The following USP25 variants were observed in gnomAD, a reference collection of about 807,000 sequenced individuals.
USP25 encodes ubiquitin carboxyl-terminal hydrolase 25.
Under a neutral mutation model 158.5 loss-of-function variants are expected in USP25, and 85 were observed. The observed-to-expected ratio is 0.54, with a 90% CI of 0.45 to 0.64. The LOEUF is 0.64. Among genes scored for constraint, USP25 ranks in the 30% least tolerant of loss-of-function variants. USP25 has a pLI of 0.00. For synonymous variants in USP25, 464 were observed against 460.4 expected, an observed-to-expected ratio of 1.01 and a Z score of -0.10; for missense variants, 1,242 against 1,327.3, an observed-to-expected ratio of 0.94 and a Z score of 1.00.
At position 15,833,383 on chromosome 21, in the gene USP25, G is replaced by C; in HGVS notation, c.2029G>C (p.Gly677Arg). Reference sequence around the variant, plus strand: ...TAAAGAAACTGGGCAGCCCCTTGTTGGTATAGAAACATTACCACCGGATTT... The same window carrying C: ...TAAAGAAACTGGGCAGCCCCTTGTTCGTATAGAAACATTACCACCGGATTT... ...FNKETGQPLV[G>R]IETLPPDLRD... Residue 677 changes from glycine (G) to arginine (R), a missense_variant, in exon 17 of 26, where the codon GGT becomes CGT. Coordinates refer to ENST00000400183, the MANE Select transcript of USP25 (RefSeq NM_001283041.3). 1.2e-6 allele frequency: 2 copies of C among 1,613,818 alleles called. No homozygotes were observed. The highest frequency in any genetic ancestry group is 1.7e-6 in the Non-Finnish European group (2 of 1,179,874).
At chr21:15,805,007 T>G in intron 6 of USP25, 114 bp from the exon 7 acceptor site, 1 of 1,135,306 alleles carries the variant, frequency 8.8e-7, no homozygotes, top group Non-Finnish European at 1.2e-6. Flanking sequence ...AATTCATCCC[T>G]AAACTATATT....
chr21:15,779,921 AT>A (rs955030773), intron 4 of USP25, among the ~76,000 whole-genome samples: 1 of 152,118 alleles, frequency 6.6e-6, no homozygotes, highest in African/African-American at 2.4e-5. Context: ...TCAATGCAAA[AT>A]ATGCATTTAA....
chr21:15,806,245 C>A (rs901464502), intron 7 of USP25, among the ~76,000 whole-genome samples: 1 of 152,126 alleles, frequency 6.6e-6, no homozygotes, highest in Middle Eastern at 3.4e-3. Context: ...TCCAAACCAT[C>A]ATTTTCGGGC....
intron 4 of USP25, among the ~76,000 whole-genome samples, chr21:15,784,449 G>C (rs865827336): frequency 6.6e-6 from 1 of 152,194 alleles, no homozygotes; most frequent in South Asian, 2.1e-4. Context: ...GTGCATGCCT[G>C]TAATCCAAGC....
chr21:15,832,622 G>T (rs1443807358), intron 16 of USP25, among the ~76,000 whole-genome samples: 1 of 151,964 alleles, frequency 6.6e-6, no homozygotes, highest in Non-Finnish European at 1.5e-5. Flanking sequence ...ATGATTATGA[G>T]TTGTTTACAT....
chr21:15,794,991 C>T (rs1374525111), intron 5 of USP25, among the ~76,000 whole-genome samples: 2 of 151,584 alleles, frequency 1.3e-5, no homozygotes, highest in East Asian at 1.9e-4. Flanking sequence ...CTTATTCATA[C>T]TCCTTGCTCT....
At chr21:15,736,062 T>C (rs540840709) in intron 1 of USP25, among the ~76,000 whole-genome samples, 1 of 151,944 alleles carries the variant, frequency 6.6e-6, no homozygotes, top group South Asian at 2.1e-4. Flanking sequence ...CCCTGCTTGT[T>C]TTGTCGTCAG....
intron 23 of USP25, among the ~76,000 whole-genome samples, chr21:15,873,798 C>G (rs977859490): frequency 1.3e-5 from 2 of 152,138 alleles, no homozygotes; most frequent in African/African-American, 4.8e-5. Flanking sequence ...CGGCCTCTAT[C>G]AGCTTTTTTA....
intron 3 of USP25, among the ~76,000 whole-genome samples, chr21:15,772,813 G>A (rs1466166938): frequency 2.0e-5 from 3 of 152,100 alleles, no homozygotes; most frequent in Admixed American, 6.5e-5. Context: ...TGTGAATTTG[G>A]TATGTGAGGT....
At chr21:15,867,541 A>T (rs2039709072) in intron 22 of USP25, among the ~76,000 whole-genome samples, 1 of 152,180 alleles carries the variant, frequency 6.6e-6, no homozygotes, top group South Asian at 2.1e-4. Context: ...AAAGCAAGGC[A>T]ATGAAAATAA....
chr21:15,829,723 A>G (rs990110943), intron 14 of USP25, among the ~76,000 whole-genome samples: 1 of 152,010 alleles, frequency 6.6e-6, no homozygotes, highest in African/African-American at 2.4e-5. Context: ...TATGCTGCAG[A>G]TATTATTTTC....
At chr21:15,754,399 G>A (rs1382721737) in intron 1 of USP25, among the ~76,000 whole-genome samples, 1 of 152,230 alleles carries the variant, frequency 6.6e-6, no homozygotes, top group Non-Finnish European at 1.5e-5. Context: ...CAGGAGTACA[G>A]TGATGAACGA....
chr21:15,795,581 A>G (rs1405470257), intron 5 of USP25, among the ~76,000 whole-genome samples: 2 of 151,462 alleles, frequency 1.3e-5, no homozygotes, highest in African/African-American at 2.4e-5. Context: ...GAGAAATGGG[A>G]TTGGTCGATG....
chr21:15,756,521 T>TAA (rs2033388622), intron 1 of USP25, among the ~76,000 whole-genome samples: 1 of 152,158 alleles, frequency 6.6e-6, no homozygotes, highest in African/African-American at 2.4e-5. Context: ...ATACTGATGT[T>TAA]AAATATGCCC....
chr21:15,755,071 G>A lies in USP25; in HGVS notation c.46-7820G>A, dbSNP rs182785914. 4.7e-4 allele frequency among the ~76,000 whole-genome samples: 72 copies of A among 151,920 alleles called. 1 individual carries two copies. Among genetic ancestry groups the A allele is most frequent in the South Asian group, 4.0e-3 (19 of 4,806 alleles). ...TAATGAATTAATCTTGTCATTGACA[G>A]GTAACTTTGAAATGCCTACATTTGG... is the stretch of plus-strand genomic sequence containing the variant. On this transcript the variant is annotated intron_variant, in intron 1 of 25. Coordinates refer to ENST00000400183, the MANE Select transcript of USP25 (RefSeq NM_001283041.3).
intron 3 of USP25, among the ~76,000 whole-genome samples, chr21:15,777,560 A>G (rs2034729677): frequency 6.6e-6 from 1 of 152,144 alleles, no homozygotes; most frequent in African/African-American, 2.4e-5. Context: ...AGAAATGTCA[A>G]TGTTTAATTG....
At position 15,849,832 on chromosome 21, in the gene USP25, GT is replaced by G. The variant is rs1277491346; in HGVS notation, c.2508del (p.Ser836ArgfsTer42). ...GIIMAIGKSR[S>X]VYDRCGPEAG... is the part of the protein sequence containing the mutation. The stretch of plus-strand genomic sequence containing the variant: ...ATCATGGCGATAGGTAAATCCAGGA[GT>G]GTATATGACAGGTGTGGCCCTGAAG... On this transcript the variant is annotated frameshift_variant, in exon 20 of 26. Transcript: ENST00000400183. LOFTEE classifies it high-confidence loss of function. 6.5e-7 allele frequency: 1 copy of G among 1,544,618 alleles called. No homozygotes were observed. The highest frequency in any genetic ancestry group is 2.0e-5 in the Admixed American group (1 of 50,148).
chr21:15,826,838 A>G lies in USP25; in HGVS notation c.1467-139A>G. Reference sequence around the variant, plus strand: ...CTTATGTATTAAAAATCTCATTTGGATGTTAGATCAATCCACATATTTCTT... The same window carrying G: ...CTTATGTATTAAAAATCTCATTTGGGTGTTAGATCAATCCACATATTTCTT... On this transcript the variant is annotated intron_variant, in intron 13 of 25. Coordinates refer to ENST00000400183, the MANE Select transcript of USP25 (RefSeq NM_001283041.3). The surrounding 1 kb of genome is among the most constrained non-coding windows in gnomAD (Gnocchi z 4.8). 2.8e-6 allele frequency: 2 copies of G among 711,062 alleles called. No individual in the cohort carries two copies. Among genetic ancestry groups the G allele is most frequent in the Non-Finnish European group, 4.5e-6 (2 of 440,928 alleles). The allele number at this position is 711,062 out of a possible 1,614,324, so 44.0% of individuals were successfully genotyped here.
At chr21:15,831,900 T>C (rs1490655169) in intron 16 of USP25, among the ~76,000 whole-genome samples, 1 of 152,172 alleles carries the variant, frequency 6.6e-6, no homozygotes, top group African/African-American at 2.4e-5. Context: ...TTGACTCACA[T>C]TTAATATTTA....
Sources: allele counts gnomAD v4.1 joint callset (sites outside exome capture counted in the v4.1 genomes callset), GRCh38; gene constraint gnomAD v4.1.1; non-coding constraint Gnocchi (gnomAD v3.1); transcripts MANE v1.5; gene names NCBI Gene and HGNC (gene_info 2026-07-23, HGNC 2026-07-21).